The following CPVL variants were observed in gnomAD, a reference collection of about 807,000 sequenced individuals.
The protein encoded by CPVL is probable serine carboxypeptidase CPVL.
Under a neutral mutation model 63.7 loss-of-function variants are expected in CPVL, and 51 were observed. That is an observed-to-expected ratio of 0.80 (90% CI 0.64 to 1.01). The LOEUF is 1.01. Among genes scored for constraint, CPVL ranks in the 50% least tolerant of loss-of-function variants. CPVL has a pLI of 0.00. For synonymous variants in CPVL, 195 were observed against 206.0 expected (o/e 0.95, Z 0.46); for missense variants, 530 against 573.1 (o/e 0.92, Z 0.77).
At chr7:29,082,026 T>C (rs959464337) in intron 7 of CPVL, among the ~76,000 whole-genome samples, 6 of 152,218 alleles carry the variant, frequency 3.9e-5, no homozygotes, top group Admixed American at 6.5e-5. Context: ...ATTTCTGAAT[T>C]TGTGCATTTA....
chr7:29,055,546 C>T (rs28429611), intron 11 of CPVL, among the ~76,000 whole-genome samples: 5,902 of 152,248 alleles, frequency 0.039, 386 homozygotes, highest in African/African-American at 0.13. Context: ...CCACCGTGCC[C>T]GGCCCTACCA....
chr7:29,110,795 T>C (rs973365778), intron 3 of CPVL, among the ~76,000 whole-genome samples: 1 of 152,230 alleles, frequency 6.6e-6, no homozygotes, highest in Non-Finnish European at 1.5e-5. Context: ...TATCCTGGAT[T>C]ATCCAGGTGG....
At chr7:29,142,761 G>T (rs997970046) in intron 1 of CPVL, among the ~76,000 whole-genome samples, 1 of 151,724 alleles carries the variant, frequency 6.6e-6, no homozygotes, top group Non-Finnish European at 1.5e-5. Context: ...CCTGACCTCA[G>T]GTGATCTGCC....
upstream of CPVL, chr7:29,147,159 G>T (rs776478230): frequency 5.1e-5 from 36 of 711,632 alleles, no homozygotes; most frequent in Non-Finnish European, 8.1e-5. Flanking sequence ...CCACCACCAG[G>T]TGCTGGGCAT....
At chr7:29,178,458 C>G (rs754802616) in intron 5 of CPVL, among the ~76,000 whole-genome samples, 1 of 152,164 alleles carries the variant, frequency 6.6e-6, no homozygotes, top group African/African-American at 2.4e-5. Flanking sequence ...CAGCTCGTGT[C>G]TGACTCAGCC....
At chr7:29,016,835 T>C (rs1786461558) in intron 12 of CPVL, among the ~76,000 whole-genome samples, 1 of 152,172 alleles carries the variant, frequency 6.6e-6, no homozygotes, top group African/African-American at 2.4e-5. Context: ...TTCCAAACCT[T>C]ATTCCCCACG....
At chr7:29,086,664 G>T (rs1785232235) in intron 6 of CPVL, 114 bp from the exon 7 acceptor site, 4 of 757,538 alleles carry the variant, frequency 5.3e-6, no homozygotes, top group Non-Finnish European at 7.0e-6. Flanking sequence ...CTTGAAATAA[G>T]ATACCACTCT....
intron 12 of CPVL, among the ~76,000 whole-genome samples, chr7:28,998,981 G>A (rs1784350868): frequency 1.3e-5 from 2 of 152,038 alleles, no homozygotes; most frequent in Non-Finnish European, 2.9e-5. Flanking sequence ...TGAGGTGGGC[G>A]GATCATTTGA....
At chr7:29,103,181 G>GGGC (rs1787351710) in intron 3 of CPVL, among the ~76,000 whole-genome samples, 1 of 8,188 alleles carries the variant, frequency 1.2e-4, no homozygotes, top group Non-Finnish European at 2.5e-4. Context: ...TTAATATACT[G>GGGC]GGGGGGGGGG....
chr7:29,065,191 C>G (rs921843856), intron 10 of CPVL, among the ~76,000 whole-genome samples: 1 of 151,882 alleles, frequency 6.6e-6, no homozygotes, highest in Admixed American at 6.6e-5. Flanking sequence ...TGTGCTTCAT[C>G]AACAATTTTT....
chr7:29,001,466 G>C (rs1416827238), intron 12 of CPVL: 1 of 152,118 alleles, frequency 6.6e-6, no homozygotes, highest in Non-Finnish European at 1.5e-5. Flanking sequence ...CTAACTATAA[G>C]TAGAAATAAC....
intron 5 of CPVL, among the ~76,000 whole-genome samples, chr7:29,179,435 T>C (rs1328857425): frequency 1.3e-5 from 2 of 152,238 alleles, no homozygotes; most frequent in Non-Finnish European, 1.5e-5. Flanking sequence ...GGCTGAAGTT[T>C]TGCAGTCTGA....
At chr7:29,132,861 T>C (rs1433739276) in intron 1 of CPVL, among the ~76,000 whole-genome samples, 1 of 152,156 alleles carries the variant, frequency 6.6e-6, no homozygotes, top group Non-Finnish European at 1.5e-5. Flanking sequence ...TCATCATATA[T>C]ACAATTGAAG....
rs1276619466 is a variant in CPVL, at chr7:29,071,906, T to C, written c.733-2A>G. ...GAATTCTGCATAGCCCCCTATAATC[T>C]GAGGACAAAAAAGACACACATCAAT... On this transcript the variant is annotated splice_acceptor_variant, in intron 8 of 12. Coordinates refer to ENST00000265394, the MANE Select transcript of CPVL (RefSeq NM_031311.5). LOFTEE classifies it high-confidence loss of function. 1 of 1,613,258 alleles carries C rather than the reference T, an allele frequency of 6.2e-7. No homozygotes were observed.
At chr7:29,019,902 A>G (rs556028398) in intron 12 of CPVL, among the ~76,000 whole-genome samples, 1 of 152,300 alleles carries the variant, frequency 6.6e-6, no homozygotes, top group South Asian at 2.1e-4. Flanking sequence ...GCGTGGTAAA[A>G]CACTCACTAT....
At chr7:29,095,170 T>C (rs370116689) in intron 4 of CPVL, 28 bp from the exon 5 acceptor site, 4 of 1,592,500 alleles carry the variant, frequency 2.5e-6, no homozygotes, top group South Asian at 1.1e-5. Context: ...AGGGGTGAGA[T>C]AGAGTCGTGG....
At chr7:29,089,863 T>TC (rs897012682) in intron 6 of CPVL, among the ~76,000 whole-genome samples, 3 of 150,606 alleles carry the variant, frequency 2.0e-5, no homozygotes, top group Non-Finnish European at 4.4e-5. Flanking sequence ...TTGAATTCTT[T>TC]TTTTTTTTTT....
rs1782907807 is a variant in CPVL, at chr7:29,064,071, T to C, written c.1127A>G (p.Asn376Ser). ...SVKPWLTEIMNNYKVLIYNGQ... is the reference protein window; with the variant it reads ...SVKPWLTEIMSNYKVLIYNGQ... ...AAGTAGCTCTCTTACCTTATAATTA[T>C]TCATGATTTCAGTTAACCATGGCTT... The change falls in exon 11 of 13, where the codon AAT (asparagine) becomes AGT (serine). Residue 376 changes from asparagine to serine, a missense_variant. By Grantham distance (46) the Asn-to-Ser change is conservative. Coordinates refer to ENST00000265394, the MANE Select transcript of CPVL (RefSeq NM_031311.5). The C allele has an allele frequency of 6.2e-7, 1 of 1,610,300 alleles. No individual in the cohort carries two copies. The highest frequency in any genetic ancestry group is 1.1e-5 in the South Asian group (1 of 90,944).
At chr7:29,154,022 G>A (rs2128697103) in intron 5 of CPVL, among the ~76,000 whole-genome samples, 1 of 152,274 alleles carries the variant, frequency 6.6e-6, no homozygotes, top group South Asian at 2.1e-4. Context: ...TTAAGTTTTG[G>A]AGAAGTCAAA....
Sources: gnomAD v4.1 joint callset for allele counts (sites outside exome capture counted in the v4.1 genomes callset) on GRCh38, gnomAD v4.1.1 for gene constraint, MANE v1.5 for transcripts, NCBI Gene and HGNC (gene_info 2026-07-23, HGNC 2026-07-21) for gene names.